RXRA: variants seen among roughly 807,000 people sequenced by gnomAD.
RXRA encodes retinoid X receptor alpha.
RXRA carries 5 observed loss-of-function variants against 44.5 expected under a neutral mutation model. The observed-to-expected ratio is 0.11, with a 90% CI of 0.06 to 0.24. RXRA has a LOEUF of 0.24. RXRA is among the 10% of genes least tolerant of loss of function. RXRA has a pLI of 1.00. For missense variants in RXRA, 412 were observed against 646.5 expected, an observed-to-expected ratio of 0.64 and a Z score of 3.93; for synonymous variants, 291 against 271.4, an observed-to-expected ratio of 1.07 and a Z score of -0.71.
chr9:134,398,879 G>A (rs12004589), intron 1 of RXRA, among the ~76,000 whole-genome samples: 1 of 152,176 alleles, frequency 6.6e-6, no homozygotes, highest in Non-Finnish European at 1.5e-5. Context: ...TGGGCTCCCT[G>A]CATGGCCCGG....
At chr9:134,430,034 C>T (rs921049407) in intron 7 of RXRA, among the ~76,000 whole-genome samples, 14 of 152,166 alleles carry the variant, frequency 9.2e-5, no homozygotes, top group Non-Finnish European at 2.1e-4. Flanking sequence ...TACAGGCGCC[C>T]GCCACCACGC....
intron 6 of RXRA, chr9:134,427,184 A>AG: frequency 1.1e-6 from 1 of 908,046 alleles, no homozygotes; most frequent in Non-Finnish European, 1.3e-6. Context: ...AAAAAAAAAA[A>AG]GAGGGTTCTG....
At chr9:134,424,632 T>TC in intron 6 of RXRA, 1 of 985,434 alleles carries the variant, frequency 1.0e-6, no homozygotes. Context: ...TCAGGTGGTC[T>TC]CCCCAAGCCC....
intron 1 of RXRA, among the ~76,000 whole-genome samples, chr9:134,359,846 G>A (rs1195940467): frequency 1.3e-5 from 2 of 152,194 alleles, no homozygotes; most frequent in African/African-American, 4.8e-5. Context: ...TCCCCCAGGG[G>A]CTTTGCTCCC....
chr9:134,339,046 T>A (rs755060190), intron 1 of RXRA, among the ~76,000 whole-genome samples: 1 of 152,226 alleles, frequency 6.6e-6, no homozygotes, highest in Non-Finnish European at 1.5e-5. Context: ...ACCTGGGGAC[T>A]TGGAGCCGGA....
intron 4 of RXRA, among the ~76,000 whole-genome samples, chr9:134,413,067 C>T (rs1262963985): frequency 6.6e-6 from 1 of 151,854 alleles, no homozygotes; most frequent in Non-Finnish European, 1.5e-5. Context: ...GGAAGGGAGC[C>T]CCGGCTGGGC....
intron 4 of RXRA, among the ~76,000 whole-genome samples, chr9:134,414,196 C>T (rs990404119): frequency 3.9e-5 from 6 of 152,270 alleles, no homozygotes; most frequent in Admixed American, 6.5e-5. Context: ...ACAAAACACT[C>T]GCTAATTAAT....
intron 1 of RXRA, among the ~76,000 whole-genome samples, chr9:134,330,251 A>G (rs972362501): frequency 6.6e-6 from 1 of 152,110 alleles, no homozygotes; most frequent in Non-Finnish European, 1.5e-5. Flanking sequence ...GCAAGCCAAG[A>G]CCTGCCCCTC....
intron 1 of RXRA, among the ~76,000 whole-genome samples, chr9:134,386,081 C>G (rs559759994): frequency 1.3e-5 from 2 of 152,226 alleles, no homozygotes; most frequent in African/African-American, 2.4e-5. Context: ...GGTGGGGGAC[C>G]GGGCGGCTCT....
At chr9:134,345,549 G>A (rs559437651) in intron 1 of RXRA, among the ~76,000 whole-genome samples, 15 of 152,176 alleles carry the variant, frequency 9.9e-5, no homozygotes, top group Non-Finnish European at 1.9e-4. Context: ...GGCGGGAGCC[G>A]ACATCACATG....
chr9:134,412,457 G>C (rs1327018125), intron 4 of RXRA, among the ~76,000 whole-genome samples: 1 of 152,222 alleles, frequency 6.6e-6, no homozygotes, highest in African/African-American at 2.4e-5. Context: ...CCCCCATGCG[G>C]TGACTCTGCC....
At chr9:134,345,532 G>A (rs1201967109) in intron 1 of RXRA, among the ~76,000 whole-genome samples, 1 of 152,206 alleles carries the variant, frequency 6.6e-6, no homozygotes, top group Non-Finnish European at 1.5e-5. Flanking sequence ...GGCAGGACGG[G>A]GGCTCTGGCG....
chr9:134,383,254 G>A (rs1031359749), intron 1 of RXRA, among the ~76,000 whole-genome samples: 3 of 152,226 alleles, frequency 2.0e-5, no homozygotes, highest in African/African-American at 7.2e-5. Context: ...TCACTGATGA[G>A]CCATGTCAGG....
chr9:134,400,170 G>T (rs1830936905), intron 1 of RXRA, among the ~76,000 whole-genome samples: 1 of 152,222 alleles, frequency 6.6e-6, no homozygotes, highest in Non-Finnish European at 1.5e-5. Flanking sequence ...TTCCTGAGAT[G>T]CAGGGTGCAC....
In RXRA at chr9:134,343,858, G is replaced by A. The variant is rs1401920503; in HGVS notation, c.28+17199G>A. Reference sequence around the variant, plus strand: ...CCCGGAAGGCGGGGCCAGCTGGCTGGGTCAGCAGATGGGCTCCTCTGGCGT... The same window carrying A: ...CCCGGAAGGCGGGGCCAGCTGGCTGAGTCAGCAGATGGGCTCCTCTGGCGT... On this transcript the variant is annotated intron_variant, in intron 1 of 9. Transcript: ENST00000481739. The surrounding 1 kb of genome is among the most constrained non-coding windows in gnomAD (Gnocchi z 4.1). 1.3e-5 allele frequency among the ~76,000 whole-genome samples: 2 copies of A among 152,142 alleles called. No homozygotes were observed. Among genetic ancestry groups the A allele is most frequent in the African/African-American group, 2.4e-5 (1 of 41,438 alleles).
rs1349069408 is a variant in RXRA, at chr9:134,440,346, C to T, written c.*3732C>T. 6.6e-6 allele frequency: 1 copy of T among 152,404 alleles called. No homozygotes were observed. The highest frequency in any genetic ancestry group is 1.5e-5 in the Non-Finnish European group (1 of 68,026). 9.4% of individuals were successfully genotyped at this position (152,404 alleles called of 1,614,324 possible). A position where few individuals can be genotyped will look rare whatever the true frequency, so the allele number is the denominator to read the frequency against. On this transcript the variant is annotated 3_prime_UTR_variant, in exon 10 of 10. Transcript: ENST00000481739. ...TGGGCCTGAGGCTTTCAAGGGTTTT[C>T]TTCCCTTTCGAGTAATTTTTAAAGC... is the stretch of plus-strand genomic sequence containing the variant.
At chr9:134,395,142 C>T (rs958623761) in intron 1 of RXRA, among the ~76,000 whole-genome samples, 1 of 152,226 alleles carries the variant, frequency 6.6e-6, no homozygotes. Flanking sequence ...CCCTCTCAGT[C>T]CTGGCAGGAG....
Position 134,326,677 on chromosome 9 carries a change from CG to C in RXRA, c.28+21del. On this transcript the variant is annotated intron_variant, in intron 1 of 9. Coordinates refer to ENST00000481739, the MANE Select transcript of RXRA (RefSeq NM_002957.6). ...GCCGCTCGGTGAGTGCTCGCCGGGC[CG>C]GGCGGGGACGGGGCCGGGGGCCGGG... The C allele has an allele frequency of 2.3e-6, 2 of 875,400 alleles. No individual in the cohort carries two copies. The highest frequency in any genetic ancestry group is 2.7e-6 in the Non-Finnish European group (2 of 735,622). The allele number at this position is 875,400 out of a possible 1,614,324, so 54.2% of individuals were successfully genotyped here. A position where few individuals can be genotyped will look rare whatever the true frequency, so the allele number is the denominator to read the frequency against.
chr9:134,429,258 A>T lies in RXRA; in HGVS notation c.1043+18A>T, dbSNP rs1743523741. On this transcript the variant is annotated intron_variant, in intron 7 of 9. Coordinates refer to ENST00000481739, the MANE Select transcript of RXRA (RefSeq NM_002957.6). ...TTTGACAGGTGGGGGTGGTCCCGGG[A>T]GGGGCGAGGGCGCTTCGGTCACCTC... 2.5e-6 allele frequency: 4 copies of T among 1,608,100 alleles called. No homozygotes were observed. In the African/African-American group the frequency reaches 4.0e-5, roughly 16 times the overall value.
Sources: gnomAD v4.1 joint callset for allele counts (sites outside exome capture counted in the v4.1 genomes callset) on GRCh38, gnomAD v4.1.1 for gene constraint, Gnocchi (gnomAD v3.1) non-coding constraint, MANE v1.5 for transcripts, NCBI Gene and HGNC (gene_info 2026-07-23, HGNC 2026-07-21) for gene names.